CNTNAP5: variants seen among roughly 807,000 people sequenced by gnomAD.
CNTNAP5 encodes the protein contactin-associated protein-like 5.
In CNTNAP5, 72 loss-of-function variants were observed where a neutral mutation model predicts 150.2. That is an observed-to-expected ratio of 0.48 (90% CI 0.40 to 0.58). The LOEUF (loss-of-function observed/expected upper bound fraction) is 0.58, where lower values mean the gene tolerates loss of function less well. Among genes scored for constraint, CNTNAP5 ranks in the 20% least tolerant of loss-of-function variants. The pLI, the probability that CNTNAP5 is intolerant of heterozygous loss-of-function variation, is 0.00. For synonymous variants in CNTNAP5, 672 were observed against 619.8 expected, an observed-to-expected ratio of 1.08 and a Z score of -1.25; for missense variants, 1,636 against 1,626.2, an observed-to-expected ratio of 1.01 and a Z score of -0.10.
intron 13 of CNTNAP5, among the ~76,000 whole-genome samples, chr2:124,672,016 G>A (rs974293984): frequency 5.9e-4 from 90 of 152,288 alleles, no homozygotes; most frequent in African/African-American, 1.9e-3. Context: ...TGTTAACGAT[G>A]CCATCACAGG....
At chr2:124,219,305 A>C (rs1027725085) in intron 1 of CNTNAP5, among the ~76,000 whole-genome samples, 1 of 152,172 alleles carries the variant, frequency 6.6e-6, no homozygotes. Context: ...AAATTTCATC[A>C]GTCACACATA....
rs377329667 is a variant in CNTNAP5 at position 124,049,186 on chromosome 2, C to T, written c.82+23454C>T. Among the ~76,000 whole-genome samples, 15 of 152,274 alleles carry T rather than the reference C, an allele frequency of 9.9e-5. No individual in the cohort carries two copies. In the South Asian group the frequency reaches 2.5e-3, roughly 25 times the overall value. ...TCCTTCATTTGGTACCACAACAAGA[C>T]TCTGAGTTTTTGTCCTTTTATTCCC... On this transcript the variant is annotated intron_variant, in intron 1 of 23. Coordinates refer to ENST00000682447, the MANE Select transcript of CNTNAP5 (RefSeq NM_001367498.1).
At chr2:124,293,302 T>G (rs2104636438) in intron 3 of CNTNAP5, among the ~76,000 whole-genome samples, 1 of 152,268 alleles carries the variant, frequency 6.6e-6, no homozygotes, top group Admixed American at 6.5e-5. Context: ...CTGATCATTT[T>G]GTTAGGATAG....
chr2:124,260,278 G>A (rs75100265), intron 3 of CNTNAP5, among the ~76,000 whole-genome samples: 5 of 152,122 alleles, frequency 3.3e-5, no homozygotes, highest in African/African-American at 4.8e-5. Flanking sequence ...AGGATTCCCT[G>A]TTTAATAAAT....
At chr2:124,262,222 G>C (rs943783175) in intron 3 of CNTNAP5, among the ~76,000 whole-genome samples, 6 of 152,004 alleles carry the variant, frequency 3.9e-5, no homozygotes, top group Non-Finnish European at 7.4e-5. Context: ...TTCAATTTGG[G>C]CCACAGACTG....
chr2:124,331,379 G>T (rs1005175235), intron 3 of CNTNAP5, among the ~76,000 whole-genome samples: 3 of 151,960 alleles, frequency 2.0e-5, no homozygotes, highest in African/African-American at 7.2e-5. Flanking sequence ...ATAAAATTTG[G>T]AACACATATG....
At chr2:124,182,846 A>G (rs1017822353) in intron 1 of CNTNAP5, among the ~76,000 whole-genome samples, 1 of 152,096 alleles carries the variant, frequency 6.6e-6, no homozygotes, top group Non-Finnish European at 1.5e-5. Flanking sequence ...CCTTTTAATC[A>G]GAAGATTTGT....
At chr2:124,033,342 A>G (rs1681115196) in intron 1 of CNTNAP5, among the ~76,000 whole-genome samples, 1 of 152,196 alleles carries the variant, frequency 6.6e-6, no homozygotes, top group Non-Finnish European at 1.5e-5. Context: ...CAAAGCAAAT[A>G]GCAGTCTAAA....
At chr2:124,220,561 C>A (rs1179461374) in intron 1 of CNTNAP5, among the ~76,000 whole-genome samples, 1 of 152,132 alleles carries the variant, frequency 6.6e-6, no homozygotes, top group Admixed American at 6.6e-5. Context: ...TGTCTTAGAC[C>A]ATTTTGTATT....
At chr2:124,180,516 T>A (rs922281548) in intron 1 of CNTNAP5, among the ~76,000 whole-genome samples, 1 of 151,936 alleles carries the variant, frequency 6.6e-6, no homozygotes, top group African/African-American at 2.4e-5. Flanking sequence ...TAGTGAGAAA[T>A]GAAGAAAATA....
intron 3 of CNTNAP5, among the ~76,000 whole-genome samples, chr2:124,380,628 G>A (rs1215602053): frequency 1.3e-5 from 2 of 152,092 alleles, no homozygotes; most frequent in East Asian, 1.9e-4. Context: ...TCCTTTCCAT[G>A]GGTTTATATC....
chr2:124,281,136 C>A (rs1320140782), intron 3 of CNTNAP5, among the ~76,000 whole-genome samples: 2 of 151,994 alleles, frequency 1.3e-5, no homozygotes, highest in African/African-American at 4.8e-5. Flanking sequence ...GGCTATAAAG[C>A]AGCATAGTAT....
intron 10 of CNTNAP5, among the ~76,000 whole-genome samples, chr2:124,540,770 G>T (rs1695362314): frequency 6.6e-6 from 1 of 152,032 alleles, no homozygotes; most frequent in Non-Finnish European, 1.5e-5. Context: ...GGATATACTT[G>T]AGTGCCGACC....
intron 4 of CNTNAP5, among the ~76,000 whole-genome samples, chr2:124,418,259 G>A (rs1017569849): frequency 1.3e-5 from 2 of 152,160 alleles, no homozygotes; most frequent in Non-Finnish European, 2.9e-5. Flanking sequence ...GCCGTAAGCA[G>A]TGACATATTC....
chr2:124,170,836 G>A (rs7594208), intron 1 of CNTNAP5, among the ~76,000 whole-genome samples: 285 of 152,014 alleles, frequency 1.9e-3, no homozygotes, highest in African/African-American at 6.5e-3. Flanking sequence ...CAAATAGACA[G>A]AGGGAGTGGA....
chr2:124,337,560 A>G (rs1036657085), intron 3 of CNTNAP5, among the ~76,000 whole-genome samples: 9 of 152,280 alleles, frequency 5.9e-5, no homozygotes, highest in Middle Eastern at 3.4e-3. Context: ...ATAAGGTGTA[A>G]GGAAGGGATC....
At chr2:124,699,220 G>A (rs1227860619) in intron 13 of CNTNAP5, among the ~76,000 whole-genome samples, 1 of 152,032 alleles carries the variant, frequency 6.6e-6, no homozygotes, top group Non-Finnish European at 1.5e-5. Context: ...GGGCTTTGTG[G>A]TCTGCTTAGA....
At chr2:124,571,976 T>C (rs1696174274) in intron 11 of CNTNAP5, among the ~76,000 whole-genome samples, 1 of 152,140 alleles carries the variant, frequency 6.6e-6, no homozygotes. Context: ...AAATCAGTAA[T>C]TTTCTGTCGG....
intron 5 of CNTNAP5, among the ~76,000 whole-genome samples, chr2:124,444,420 C>A (rs1186734353): frequency 6.6e-6 from 1 of 152,038 alleles, no homozygotes; most frequent in East Asian, 1.9e-4. Context: ...GTGGTGAAAA[C>A]CCGTTTCTAC....
Sources: gnomAD v4.1 joint callset for allele counts (sites outside exome capture counted in the v4.1 genomes callset) on GRCh38, gnomAD v4.1.1 for gene constraint, MANE v1.5 for transcripts, NCBI Gene and HGNC (gene_info 2026-07-23, HGNC 2026-07-21) for gene names.